SPPL3: variants seen among roughly 807,000 people sequenced by gnomAD.
SPPL3 encodes signal peptide peptidase-like 3.
SPPL3 carries 5 observed loss-of-function variants against 42.4 expected under a neutral mutation model. That is an observed-to-expected ratio of 0.12 (90% CI 0.06 to 0.25). The LOEUF is 0.25. Ranked by LOEUF, SPPL3 falls within the 10% of genes least tolerant of loss-of-function variation. The pLI is 1.00. For synonymous variants in SPPL3, 195 were observed against 181.8 expected (o/e 1.07, Z -0.58); for missense variants, 235 against 489.0 (o/e 0.48, Z 4.90).
intron 1 of SPPL3, chr12:120,901,991 T>A (rs1031105443): frequency 2.1e-6 from 2 of 935,332 alleles, no homozygotes; most frequent in Non-Finnish European, 2.5e-6. Flanking sequence ...ATTAGGACTC[T>A]CAGGGCCACA....
At chr12:120,811,300 A>C (rs1870676867) in intron 1 of SPPL3, 1 of 154,460 alleles carries the variant, frequency 6.5e-6, no homozygotes, top group Non-Finnish European at 1.4e-5. Flanking sequence ...GATGAGGTAA[A>C]GCCTGCATCT....
chr12:120,851,499 C>A (rs1352989993), intron 1 of SPPL3, among the ~76,000 whole-genome samples: 1 of 152,080 alleles, frequency 6.6e-6, no homozygotes, highest in East Asian at 1.9e-4. Context: ...TCTGTTCAGT[C>A]GAAGCAGTAT....
At chr12:120,768,690 C>T (rs933742110) in intron 7 of SPPL3, 52 of 697,650 alleles carry the variant, frequency 7.5e-5, no homozygotes, top group Admixed American at 2.9e-5. Flanking sequence ...TACTCCCTGA[C>T]GGGGTGGCCC....
At chr12:120,893,586 C>A (rs939121438) in intron 1 of SPPL3, among the ~76,000 whole-genome samples, 1 of 152,100 alleles carries the variant, frequency 6.6e-6, no homozygotes, top group African/African-American at 2.4e-5. Flanking sequence ...TGGGCTTCCA[C>A]CCCCACTACT....
At chr12:120,805,684 T>C (rs1308587726) in intron 2 of SPPL3, among the ~76,000 whole-genome samples, 3 of 152,078 alleles carry the variant, frequency 2.0e-5, no homozygotes, top group African/African-American at 7.2e-5. Flanking sequence ...TTGAGGTCAA[T>C]ACACAAAAAT....
chr12:120,856,080 G>A (rs1476627389), intron 1 of SPPL3, among the ~76,000 whole-genome samples: 1 of 152,176 alleles, frequency 6.6e-6, no homozygotes, highest in Non-Finnish European at 1.5e-5. Context: ...CTGAGCACTT[G>A]AAATGCAGTG....
intron 1 of SPPL3, among the ~76,000 whole-genome samples, chr12:120,867,603 T>C (rs2137047008): frequency 6.6e-6 from 1 of 151,636 alleles, no homozygotes; most frequent in South Asian, 2.1e-4. Context: ...AGGCGGAGGT[T>C]GCAGGGAGCC....
intron 2 of SPPL3, among the ~76,000 whole-genome samples, chr12:120,803,937 C>T (rs1339118923): frequency 6.6e-6 from 1 of 152,118 alleles, no homozygotes; most frequent in African/African-American, 2.4e-5. Flanking sequence ...CAATTGTGAA[C>T]CATAGTGACA....
intron 1 of SPPL3, among the ~76,000 whole-genome samples, chr12:120,901,547 C>T (rs373244380): frequency 6.9e-6 from 1 of 144,922 alleles, no homozygotes; most frequent in African/African-American, 2.5e-5. Context: ...GCCGAGATGG[C>T]GCCACTGCAC....
At chr12:120,767,958 C>G (rs1868971887) in intron 8 of SPPL3, among the ~76,000 whole-genome samples, 1 of 152,194 alleles carries the variant, frequency 6.6e-6, no homozygotes, top group South Asian at 2.1e-4. Flanking sequence ...TAAAGCAGCA[C>G]ATTCATTCTG....
At chr12:120,842,967 C>T (rs979964881) in intron 1 of SPPL3, among the ~76,000 whole-genome samples, 1 of 152,158 alleles carries the variant, frequency 6.6e-6, no homozygotes, top group Non-Finnish European at 1.5e-5. Context: ...AGTACACATA[C>T]AAAACAACTT....
At chr12:120,773,632 C>A (rs1869203967) in intron 6 of SPPL3, among the ~76,000 whole-genome samples, 1 of 152,154 alleles carries the variant, frequency 6.6e-6, no homozygotes, top group Admixed American at 6.5e-5. Context: ...CCTTCCTGAC[C>A]TTTTCTTTTT....
chr12:120,862,328 A>C (rs1349814209), intron 1 of SPPL3, among the ~76,000 whole-genome samples: 2 of 152,170 alleles, frequency 1.3e-5, no homozygotes, highest in Non-Finnish European at 2.9e-5. Context: ...GATGTTCATC[A>C]ATTCAATTCT....
chr12:120,783,204 G>A (rs1395729786), intron 5 of SPPL3, among the ~76,000 whole-genome samples: 1 of 152,148 alleles, frequency 6.6e-6, no homozygotes, highest in East Asian at 1.9e-4. Flanking sequence ...TCCTAAGTGC[G>A]TTCAGCATCT....
At chr12:120,829,357 A>G (rs1225016601) in intron 1 of SPPL3, among the ~76,000 whole-genome samples, 1 of 152,180 alleles carries the variant, frequency 6.6e-6, no homozygotes, top group African/African-American at 2.4e-5. Flanking sequence ...GCACTTTGGG[A>G]GGCCACGGCA....
rs147989795 is a variant in SPPL3, at chr12:120,812,884, T to G, written c.24-1998A>C. On this transcript the variant is annotated intron_variant, in intron 1 of 10. Coordinates refer to ENST00000353487, the MANE Select transcript of SPPL3 (RefSeq NM_139015.5). ...AAATGAGGAATTCATATAAAGAACA[T>G]AACACATTAAATACTCAATTCACAC... is the stretch of plus-strand genomic sequence containing the variant. Among the ~76,000 whole-genome samples, 50 of 152,248 alleles carry G rather than the reference T, an allele frequency of 3.3e-4. No individual in the cohort carries two copies. In the East Asian group the frequency reaches 9.1e-3, roughly 28 times the overall value.
chr12:120,870,616 G>T (rs945594678), intron 1 of SPPL3, among the ~76,000 whole-genome samples: 1 of 151,978 alleles, frequency 6.6e-6, no homozygotes, highest in African/African-American at 2.4e-5. Context: ...GAAAAATGTG[G>T]CCTATCTATA....
intron 1 of SPPL3, among the ~76,000 whole-genome samples, chr12:120,895,240 C>T (rs944490994): frequency 6.6e-6 from 1 of 152,022 alleles, no homozygotes; most frequent in East Asian, 1.9e-4. Flanking sequence ...TCAGCCTGGC[C>T]AACTCGGTGA....
chr12:120,771,333 C>G (rs915968386), intron 6 of SPPL3, among the ~76,000 whole-genome samples: 1 of 152,196 alleles, frequency 6.6e-6, no homozygotes, highest in South Asian at 2.1e-4. Context: ...CCCATGCCGC[C>G]GCTTCGGCCA....
Sources: gnomAD v4.1 joint callset for allele counts (sites outside exome capture counted in the v4.1 genomes callset) on GRCh38, gnomAD v4.1.1 for gene constraint, MANE v1.5 for transcripts, NCBI Gene and HGNC (gene_info 2026-07-23, HGNC 2026-07-21) for gene names.